INPP5K: variants seen among roughly 807,000 people sequenced by gnomAD.
INPP5K encodes inositol polyphosphate 5-phosphatase K.
In INPP5K, 35 loss-of-function variants were observed where a neutral mutation model predicts 53.5. The ratio of observed to expected loss-of-function variants is 0.65; its 90% CI spans 0.50 to 0.87. The LOEUF is 0.87. Ranked by LOEUF, INPP5K falls within the 40% of genes least tolerant of loss-of-function variation. The pLI is 0.00. For synonymous variants in INPP5K, 253 were observed against 232.8 expected (o/e 1.09, Z -0.79); for missense variants, 550 against 586.2 (o/e 0.94, Z 0.64).
In INPP5K at chr17:1,509,154, A is replaced by G. The variant is rs1254823046; in HGVS notation, c.554+24T>C. Reference sequence around the variant, plus strand: ...GTTAGCGTGGGGCAGAGGGCGGGGAACGGTCTGCCAGACCCAGGCTCACTC... The same window carrying G: ...GTTAGCGTGGGGCAGAGGGCGGGGAGCGGTCTGCCAGACCCAGGCTCACTC... On this transcript the variant is annotated intron_variant, in intron 5 of 11. Coordinates refer to ENST00000421807, the MANE Select transcript of INPP5K (RefSeq NM_016532.4). The G allele has an allele frequency of 3.6e-6, 5 of 1,393,044 alleles. No individual in the cohort carries two copies. The African/African-American group carries it at 9.4e-5, about 26-fold the overall frequency. The allele number at this position is 1,393,044 out of a possible 1,614,324, so 86.3% of individuals were successfully genotyped here.
intron 7 of INPP5K, among the ~76,000 whole-genome samples, chr17:1,503,465 G>A (rs1490486480): frequency 6.6e-6 from 1 of 152,136 alleles, no homozygotes; most frequent in Non-Finnish European, 1.5e-5. Flanking sequence ...TTTCAGGCGT[G>A]AGCCACCGCA....
At chr17:1,505,066 T>C (rs749599939) in intron 7 of INPP5K, among the ~76,000 whole-genome samples, 7 of 152,192 alleles carry the variant, frequency 4.6e-5, no homozygotes, top group Non-Finnish European at 8.8e-5. Flanking sequence ...CTCTCTGCCA[T>C]AGGGCTGGGA....
Position 1,502,087 on chromosome 17 carries a change from C to G in INPP5K, c.777-3965G>C, listed in dbSNP as rs145511818. Among the ~76,000 whole-genome samples, 3 of 151,280 alleles carry G rather than the reference C, an allele frequency of 2.0e-5. No individual in the cohort carries two copies. In the South Asian group the frequency reaches 6.3e-4, roughly 32 times the overall value. ...ACATAGGGCCAGGCACGGTGGCTCA[C>G]GCCTGTAATCCCAGCACTTTGGGAG... On this transcript the variant is annotated intron_variant, in intron 7 of 11. Coordinates refer to ENST00000421807, the MANE Select transcript of INPP5K (RefSeq NM_016532.4).
chr17:1,513,172 C>T (rs2075348026), intron 3 of INPP5K, among the ~76,000 whole-genome samples: 1 of 152,136 alleles, frequency 6.6e-6, no homozygotes, highest in Admixed American at 6.5e-5. Flanking sequence ...GCGGCCAGCA[C>T]TGAGGTGATG....
At chr17:1,509,437 C>G in intron 4 of INPP5K, 84 bp from the exon 5 acceptor site, 3 of 1,317,398 alleles carry the variant, frequency 2.3e-6, no homozygotes, top group South Asian at 2.6e-5. Flanking sequence ...TGAGGGCAGA[C>G]AGTCTCACTT....
Position 1,508,682 on chromosome 17 carries a change from G to A in INPP5K, c.555-456C>T, listed in dbSNP as rs543503073. 2.5e-4 allele frequency among the ~76,000 whole-genome samples: 38 copies of A among 152,304 alleles called. No homozygotes were observed. The East Asian group carries it at 3.9e-3, about 15-fold the overall frequency. ...AGAGGGTGGGAGCCAGAACACTGACGACACTGGCTGGGGGATCCGTGATGG... is the reference window on the plus strand; with the variant it reads ...AGAGGGTGGGAGCCAGAACACTGACAACACTGGCTGGGGGATCCGTGATGG... On this transcript the variant is annotated intron_variant, in intron 5 of 11. Transcript: ENST00000421807.
intron 7 of INPP5K, among the ~76,000 whole-genome samples, chr17:1,502,153 T>C (rs183132448): frequency 1.3e-4 from 20 of 150,406 alleles, no homozygotes; most frequent in African/African-American, 4.4e-4. Context: ...ATGGAGACCA[T>C]CCTGGCTAAC....
At chr17:1,514,539 G>C (rs1296221869) in intron 1 of INPP5K, among the ~76,000 whole-genome samples, 1 of 152,142 alleles carries the variant, frequency 6.6e-6, no homozygotes. Flanking sequence ...ACACCCGGCA[G>C]CACTGGTGCT....
Position 1,494,957 on chromosome 17 carries a change from G to A in INPP5K, c.*866C>T, listed in dbSNP as rs972467149. 1 of 152,312 alleles carries A rather than the reference G, an allele frequency of 6.6e-6. No homozygotes were observed. The highest frequency in any genetic ancestry group is 1.5e-5 in the Non-Finnish European group (1 of 68,144). The allele number at this position is 152,312 out of a possible 1,614,324, so 9.4% of individuals were successfully genotyped here. A position where few individuals can be genotyped will look rare whatever the true frequency, so the allele number is the denominator to read the frequency against. The stretch of plus-strand genomic sequence containing the variant: ...CACTCTGAGGTCCCGGGGGGTCCAG[G>A]GGGGGCCCGTCGTCAATGGCTCCTG... On this transcript the variant is annotated 3_prime_UTR_variant, in exon 12 of 12. Transcript: ENST00000421807.
At chr17:1,496,835 T>G in intron 8 of INPP5K, 32 bp from the exon 9 acceptor site, 1 of 1,608,314 alleles carries the variant, frequency 6.2e-7, no homozygotes, top group Non-Finnish European at 8.5e-7. Context: ...GGGCTGAATC[T>G]CGCAGCATCA....
chr17:1,496,508 G>A (rs1264663417), intron 9 of INPP5K, 106 bp from the exon 10 acceptor site: 5 of 1,307,998 alleles, frequency 3.8e-6, no homozygotes, highest in East Asian at 4.9e-5. Context: ...CGTACTGTGT[G>A]CCTCCCCGCC....
intron 9 of INPP5K, 112 bp from the exon 10 acceptor site, chr17:1,496,514 C>T: frequency 7.6e-7 from 1 of 1,324,348 alleles, no homozygotes; most frequent in Non-Finnish European, 1.1e-6. Flanking sequence ...GTGTGCCTCC[C>T]CGCCGCCCTT....
chr17:1,497,840 G>T, intron 8 of INPP5K, 96 bp downstream of exon 8: 2 of 1,132,960 alleles, frequency 1.8e-6, no homozygotes, highest in South Asian at 1.4e-5. Flanking sequence ...TCTCCCCTGG[G>T]GGACTGGCTG....
At chr17:1,495,924 T>C in intron 11 of INPP5K, 45 bp from the exon 12 acceptor site, 1 of 1,530,050 alleles carries the variant, frequency 6.5e-7, no homozygotes, top group Non-Finnish European at 9.0e-7. Context: ...CGGGTCTTCC[T>C]CCGTGCTTTC....
chr17:1,497,933 C>A lies in INPP5K; in HGVS notation c.963+3G>T. On this transcript the variant is annotated splice_donor_region_variant and intron_variant, in intron 8 of 11. Transcript: ENST00000421807. Reference sequence around the variant, plus strand: ...GCAAGTATCAGGCAGCCCAGAAGTTCACCTCCAAGTCGAACGTGCCGGAGA... The same window carrying A: ...GCAAGTATCAGGCAGCCCAGAAGTTAACCTCCAAGTCGAACGTGCCGGAGA... 1 of 1,610,252 alleles carries A rather than the reference C, an allele frequency of 6.2e-7. No homozygotes were observed.
Position 1,495,573 on chromosome 17 carries a change from T to C in INPP5K, c.*250A>G, listed in dbSNP as rs2074807775. On this transcript the variant is annotated 3_prime_UTR_variant, in exon 12 of 12. Coordinates refer to ENST00000421807, the MANE Select transcript of INPP5K (RefSeq NM_016532.4). ...GAGACGCAGAACTGTCCCCAGGTCT[T>C]CACTGTTGACACACTAGCTGGTTTC... The C allele has an allele frequency of 2.0e-6, 1 of 508,320 alleles. No homozygotes were observed. Among genetic ancestry groups the C allele is most frequent in the Non-Finnish European group, 3.5e-6 (1 of 287,010 alleles). The allele number at this position is 508,320 out of a possible 1,614,324, so 31.5% of individuals were successfully genotyped here.
chr17:1,510,049 G>A (rs1177200808), intron 3 of INPP5K, among the ~76,000 whole-genome samples: 1 of 152,262 alleles, frequency 6.6e-6, no homozygotes, highest in African/African-American at 2.4e-5. Flanking sequence ...GGGAAGAGAA[G>A]ATAAGCTAAG....
chr17:1,515,522 G>A (rs1173399941), intron 1 of INPP5K: 2 of 985,642 alleles, frequency 2.0e-6, no homozygotes, highest in South Asian at 4.7e-5. Flanking sequence ...ACCCTGCAGA[G>A]ACCAGGAACA....
chr17:1,513,769 C>A, intron 2 of INPP5K, 103 bp downstream of exon 2: 1 of 999,640 alleles, frequency 1.0e-6, no homozygotes, highest in Non-Finnish European at 1.5e-6. Context: ...GCTGAAAGCT[C>A]CCAGCCTTCA....
Sources: gnomAD v4.1 joint callset for allele counts (sites outside exome capture counted in the v4.1 genomes callset) on GRCh38, gnomAD v4.1.1 for gene constraint, MANE v1.5 for transcripts, NCBI Gene and HGNC (gene_info 2026-07-23, HGNC 2026-07-21) for gene names.